SORCS3: variants seen among roughly 807,000 people sequenced by gnomAD.
The protein encoded by SORCS3 is sortilin related VPS10 domain containing receptor 3.
SORCS3 carries 57 observed loss-of-function variants against 146.3 expected under a neutral mutation model. That is an observed-to-expected ratio of 0.39 (90% CI 0.31 to 0.49). The LOEUF (loss-of-function observed/expected upper bound fraction) is 0.49, where lower values mean the gene tolerates loss of function less well. Ranked by LOEUF, SORCS3 falls within the 20% of genes least tolerant of loss-of-function variation. The pLI is 0.92. For missense variants in SORCS3, 1,341 were observed against 1,575.5 expected, an observed-to-expected ratio of 0.85 and a Z score of 2.52; for synonymous variants, 653 against 618.5, an observed-to-expected ratio of 1.06 and a Z score of -0.83.
chr10:104,949,295 C>A, intron 3 of SORCS3, among the ~76,000 whole-genome samples: 1 of 152,144 alleles, frequency 6.6e-6, no homozygotes, highest in East Asian at 1.9e-4. Flanking sequence ...GTGGAAGGAA[C>A]TTTTGCCTAT....
intron 3 of SORCS3, among the ~76,000 whole-genome samples, chr10:104,965,519 A>G (rs1488367433): frequency 6.6e-6 from 1 of 152,144 alleles, no homozygotes; most frequent in Non-Finnish European, 1.5e-5. Flanking sequence ...TGGCTGCACC[A>G]TTTTTTGTTC....
chr10:105,201,180 T>A lies in SORCS3; in HGVS notation c.2188T>A (p.Cys730Ser). The part of the protein sequence containing the change: ...IFKKRKPGAQ[C>S]ALGRDHSGSV... The stretch of plus-strand genomic sequence containing the variant: ...CAAGAAACGTAAGCCAGGAGCTCAG[T>A]GTGCCCTGGGCCGAGACCACTCAGG... The change falls in exon 16 of 27, where the codon TGT (cysteine) becomes AGT (serine). Residue 730 changes from cysteine to serine, a missense_variant. By Grantham distance (112) the Cys-to-Ser change is moderately radical. Coordinates refer to ENST00000369701, the MANE Select transcript of SORCS3 (RefSeq NM_014978.3). 6.2e-7 allele frequency: 1 copy of A among 1,612,682 alleles called. No homozygotes were observed. The highest frequency in any genetic ancestry group is 8.5e-7 in the Non-Finnish European group (1 of 1,179,306).
intron 14 of SORCS3, among the ~76,000 whole-genome samples, chr10:105,182,885 T>C (rs1158428073): frequency 6.6e-6 from 1 of 152,070 alleles, no homozygotes; most frequent in Non-Finnish European, 1.5e-5. Flanking sequence ...GTATTTTTTA[T>C]AGAGGTGGGG....
intron 3 of SORCS3, among the ~76,000 whole-genome samples, chr10:104,943,770 G>A (rs1564718861): frequency 6.6e-6 from 1 of 151,682 alleles, no homozygotes; most frequent in Admixed American, 6.6e-5. Context: ...GAGAATCTTG[G>A]AAAAAAAAGT....
intron 1 of SORCS3, among the ~76,000 whole-genome samples, chr10:104,682,436 C>T (rs1466952142): frequency 2.6e-5 from 4 of 152,226 alleles, no homozygotes; most frequent in African/African-American, 4.8e-5. Context: ...ATGTAACTAC[C>T]TTGTAAGGTT....
chr10:105,248,945 A>T (rs555495177), intron 22 of SORCS3, among the ~76,000 whole-genome samples: 1 of 152,318 alleles, frequency 6.6e-6, no homozygotes, highest in Non-Finnish European at 1.5e-5. Context: ...GAATAGGTTT[A>T]TATGTCAGTA....
At chr10:104,773,093 A>G (rs898130643) in intron 1 of SORCS3, among the ~76,000 whole-genome samples, 2 of 152,202 alleles carry the variant, frequency 1.3e-5, no homozygotes, top group East Asian at 1.9e-4. Context: ...AGCATTTAAC[A>G]TGAGCATTGA....
At position 104,921,296 on chromosome 10, in the gene SORCS3, A is replaced by G. The variant is rs889739131; in HGVS notation, c.795+5364A>G. On this transcript the variant is annotated intron_variant, in intron 3 of 26. Transcript: ENST00000369701. ...TTAACTAGAGAGGAGCCTGACTCCC[A>G]TGGGCGAGCTTATTTGAGAATGAAT... Among the ~76,000 whole-genome samples the G allele has an allele frequency of 7.2e-5, 11 of 152,318 alleles. No homozygotes were observed. The East Asian group carries it at 2.1e-3, about 29-fold the overall frequency.
At chr10:104,846,644 T>A (rs2018208612) in intron 2 of SORCS3, among the ~76,000 whole-genome samples, 1 of 152,236 alleles carries the variant, frequency 6.6e-6, no homozygotes, top group Non-Finnish European at 1.5e-5. Flanking sequence ...TGTAGCAGTA[T>A]CTTGTGCCCT....
At chr10:104,731,497 C>G (rs1021239595) in intron 1 of SORCS3, among the ~76,000 whole-genome samples, 1 of 152,116 alleles carries the variant, frequency 6.6e-6, no homozygotes, top group Non-Finnish European at 1.5e-5. Context: ...CTACCTAATC[C>G]CTGACTTTCC....
At chr10:104,750,346 TGTGG>T (rs2016969821) in intron 1 of SORCS3, among the ~76,000 whole-genome samples, 3 of 152,204 alleles carry the variant, frequency 2.0e-5, no homozygotes, top group Non-Finnish European at 2.9e-5. Context: ...ACAACTTCCT[TGTGG>T]TATCTTTGTG....
intron 22 of SORCS3, among the ~76,000 whole-genome samples, chr10:105,248,559 CA>C (rs1564795374): frequency 6.6e-6 from 1 of 151,908 alleles, no homozygotes; most frequent in Non-Finnish European, 1.5e-5. Flanking sequence ...ACTAAAAGTA[CA>C]AAAACTAGCT....
intron 2 of SORCS3, among the ~76,000 whole-genome samples, chr10:104,867,170 G>A (rs2018468440): frequency 6.9e-6 from 1 of 144,266 alleles, no homozygotes; most frequent in South Asian, 2.3e-4. Context: ...GTGCTGCAGG[G>A]TGGTGTGAAA....
chr10:104,647,289 C>T (rs151214750), intron 1 of SORCS3, among the ~76,000 whole-genome samples: 18 of 152,292 alleles, frequency 1.2e-4, no homozygotes, highest in Non-Finnish European at 2.6e-4. Context: ...TTGTCCCAAG[C>T]ATCTTGAGGT....
intron 6 of SORCS3, among the ~76,000 whole-genome samples, chr10:105,093,191 G>T (rs1188691869): frequency 1.3e-5 from 2 of 152,102 alleles, no homozygotes; most frequent in Non-Finnish European, 2.9e-5. Context: ...GATCAATTGG[G>T]CAGTAATCTG....
At chr10:105,137,770 T>C (rs1347141775) in intron 7 of SORCS3, among the ~76,000 whole-genome samples, 1 of 152,218 alleles carries the variant, frequency 6.6e-6, no homozygotes, top group East Asian at 1.9e-4. Flanking sequence ...TCACAAGCTT[T>C]CCAGGTGATT....
intron 9 of SORCS3, among the ~76,000 whole-genome samples, chr10:105,156,660 G>A (rs1263885686): frequency 6.6e-6 from 1 of 152,154 alleles, no homozygotes; most frequent in African/African-American, 2.4e-5. Context: ...AGAGACAGAT[G>A]CCAGGCCTCC....
At chr10:105,187,649 G>A (rs2056487423) in intron 14 of SORCS3, among the ~76,000 whole-genome samples, 1 of 152,218 alleles carries the variant, frequency 6.6e-6, no homozygotes, top group African/African-American at 2.4e-5. Context: ...GGCATGGGGA[G>A]CCAGGCCTTT....
At chr10:104,743,229 T>C (rs2016870682) in intron 1 of SORCS3, among the ~76,000 whole-genome samples, 1 of 152,138 alleles carries the variant, frequency 6.6e-6, no homozygotes, top group Non-Finnish European at 1.5e-5. Flanking sequence ...AAGTGCCAGG[T>C]GTTTGCATAA....
Sources: gnomAD v4.1 joint callset for allele counts (sites outside exome capture counted in the v4.1 genomes callset) on GRCh38, gnomAD v4.1.1 for gene constraint, MANE v1.5 for transcripts, NCBI Gene and HGNC (gene_info 2026-07-23, HGNC 2026-07-21) for gene names.